ADAM32: variants seen among roughly 807,000 people sequenced by gnomAD.
The protein encoded by ADAM32 is disintegrin and metalloproteinase domain-containing protein 32.
Under a neutral mutation model 114.9 loss-of-function variants are expected in ADAM32, and 89 were observed. The ratio of observed to expected loss-of-function variants is 0.77; its 90% CI spans 0.65 to 0.92. The LOEUF (loss-of-function observed/expected upper bound fraction) is 0.92. Ranked by LOEUF, ADAM32 falls within the 40% of genes least tolerant of loss-of-function variation. ADAM32 has a pLI of 0.00. For synonymous variants in ADAM32, 285 were observed against 307.5 expected, an observed-to-expected ratio of 0.93 and a Z score of 0.77; for missense variants, 870 against 932.8, an observed-to-expected ratio of 0.93 and a Z score of 0.88.
chr8:39,202,936 GT>G (rs1807532510), intron 11 of ADAM32, among the ~76,000 whole-genome samples: 1 of 73,474 alleles, frequency 1.4e-5, no homozygotes, highest in Non-Finnish European at 3.0e-5. Context: ...ATGTAGTTGG[GT>G]GGTTTTGAGT....
chr8:39,129,551 T>C lies in ADAM32; in HGVS notation c.139-7106T>C, dbSNP rs28818881. 2.0e-3 allele frequency among the ~76,000 whole-genome samples: 300 copies of C among 152,318 alleles called. 1 individual carries two copies. The highest frequency in any genetic ancestry group is 6.4e-3 in the African/African-American group (268 of 41,572). ...ACCATTCTTGCATTTCTGTGATAAATGGTGTATAATTCTTTTTATATGTCA... is the reference window on the plus strand; with the variant it reads ...ACCATTCTTGCATTTCTGTGATAAACGGTGTATAATTCTTTTTATATGTCA... On this transcript the variant is annotated intron_variant, in intron 2 of 24. Coordinates refer to ENST00000379907, the MANE Select transcript of ADAM32 (RefSeq NM_145004.7).
At chr8:39,230,837 A>G (rs779869018) in intron 14 of ADAM32, among the ~76,000 whole-genome samples, 7 of 152,200 alleles carry the variant, frequency 4.6e-5, no homozygotes, top group Non-Finnish European at 8.8e-5. Flanking sequence ...GGGAATTAAG[A>G]GTGACTAAAT....
intron 12 of ADAM32, among the ~76,000 whole-genome samples, chr8:39,211,966 G>A (rs1339909834): frequency 6.6e-6 from 1 of 151,958 alleles, no homozygotes; most frequent in African/African-American, 2.4e-5. Flanking sequence ...TTTGTATTAT[G>A]TTTAACTATT....
At position 39,246,169 on chromosome 8, in the gene ADAM32, A is replaced by G. The variant is rs761044872; in HGVS notation, c.1902+3A>G. On this transcript the variant is annotated splice_donor_region_variant and intron_variant, in intron 17 of 24. Transcript: ENST00000379907. ...CACAACAGTGTTCTGGACATGGAGT[A>G]AGTAACCACATGTTTCCCTGAATCA... 3.1e-6 allele frequency: 5 copies of G among 1,607,842 alleles called. No homozygotes were observed. The Admixed American group carries it at 5.1e-5, about 16-fold the overall frequency.
chr8:39,270,806 A>G (rs1438053242), intron 19 of ADAM32, 70 bp from the exon 20 acceptor site: 9 of 1,197,126 alleles, frequency 7.5e-6, no homozygotes, highest in South Asian at 4.0e-5. Context: ...TATAAAATGG[A>G]CTGATTTTAA....
chr8:39,223,453 CAT>C (rs1297065364), intron 14 of ADAM32: 4 of 258,522 alleles, frequency 1.5e-5, no homozygotes, highest in Non-Finnish European at 2.8e-5. Context: ...TATAAGCAAA[CAT>C]ATACGCGCTA....
intron 6 of ADAM32, among the ~76,000 whole-genome samples, chr8:39,159,841 A>C (rs1804380589): frequency 6.6e-6 from 1 of 152,156 alleles, no homozygotes; most frequent in African/African-American, 2.4e-5. Flanking sequence ...GGAAAGCCAC[A>C]CCAGGAATAT....
intron 16 of ADAM32, among the ~76,000 whole-genome samples, chr8:39,241,115 G>A (rs1487119200): frequency 1.3e-5 from 2 of 152,188 alleles, no homozygotes; most frequent in Non-Finnish European, 2.9e-5. Flanking sequence ...ATCCAGCAGG[G>A]CAGTGAAATC....
chr8:39,269,651 C>T (rs1564725470), intron 19 of ADAM32, among the ~76,000 whole-genome samples: 2 of 152,156 alleles, frequency 1.3e-5, no homozygotes, highest in Admixed American at 6.5e-5. Context: ...ATTTGTAGCT[C>T]TTGCTGCGTG....
chr8:39,148,361 C>A (rs528389367), intron 4 of ADAM32, among the ~76,000 whole-genome samples: 9 of 152,132 alleles, frequency 5.9e-5, no homozygotes, highest in African/African-American at 2.2e-4. Flanking sequence ...TCTTTCCCAA[C>A]AGACCCATAT....
chr8:39,283,931 G>A (rs894179585), intron 24 of ADAM32, among the ~76,000 whole-genome samples: 2 of 152,054 alleles, frequency 1.3e-5, no homozygotes, highest in African/African-American at 4.8e-5. Flanking sequence ...GTGCCGCCAT[G>A]CCCGCCTAAT....
At chr8:39,249,653 A>G (rs1470496142) in intron 17 of ADAM32, among the ~76,000 whole-genome samples, 1 of 152,204 alleles carries the variant, frequency 6.6e-6, no homozygotes, top group African/African-American at 2.4e-5. Flanking sequence ...TGTAACATCA[A>G]TTAAGAATAA....
At chr8:39,118,881 A>G (rs1840483964) in intron 2 of ADAM32, among the ~76,000 whole-genome samples, 1 of 152,170 alleles carries the variant, frequency 6.6e-6, no homozygotes, top group Non-Finnish European at 1.5e-5. Flanking sequence ...TGTTGCTATC[A>G]ATCCTAAAAA....
In ADAM32 at chr8:39,165,086, T is replaced by G. The variant is rs1451772653; in HGVS notation, c.723T>G (p.Asp241Glu). The change falls in exon 9 of 25, where the codon GAT becomes GAG. Residue 241 changes from aspartate (D) to glutamate (E), a missense_variant. Physicochemically the swap from Asp to Glu is conservative, Grantham distance 45. Transcript: ENST00000379907. ...TGTCATCATTGGAGTTATGGTCAGA[T>G]GAAAATAAGATTTCTACAGTTGGTG... ...IVLSSLELWS[D>E]ENKISTVGEA... 1 of 1,609,966 alleles carries G rather than the reference T, an allele frequency of 6.2e-7. No homozygotes were observed.
At chr8:39,123,333 C>T (rs1311958751) in intron 2 of ADAM32, among the ~76,000 whole-genome samples, 1 of 151,978 alleles carries the variant, frequency 6.6e-6, no homozygotes, top group Non-Finnish European at 1.5e-5. Context: ...TATTCTAAGT[C>T]CTTTTTATTT....
intron 18 of ADAM32, 89 bp downstream of exon 18, chr8:39,254,605 AG>A: frequency 2.2e-6 from 2 of 923,704 alleles, no homozygotes; most frequent in South Asian, 3.9e-5. Context: ...TCCACTTACA[AG>A]GCAACTGATA....
intron 16 of ADAM32, among the ~76,000 whole-genome samples, chr8:39,240,246 A>T (rs1564665182): frequency 6.6e-6 from 1 of 152,250 alleles, no homozygotes; most frequent in Non-Finnish European, 1.5e-5. Flanking sequence ...CCACAGCGGA[A>T]TAAAATTGGA....
Position 39,274,365 on chromosome 8 carries a change from A to G in ADAM32, c.2240+15A>G. 6.2e-7 allele frequency: 1 copy of G among 1,610,266 alleles called. No individual in the cohort carries two copies. The highest frequency in any genetic ancestry group is 1.3e-5 in the African/African-American group (1 of 74,928). On this transcript the variant is annotated intron_variant, in intron 21 of 24. Coordinates refer to ENST00000379907, the MANE Select transcript of ADAM32 (RefSeq NM_145004.7). ...TATGCCAGCCAGTAAGTAGGTTAGA[A>G]GAGGTTTTTAAGATACATGTTGAAA...
chr8:39,220,102 G>T (rs1808850903), intron 12 of ADAM32, among the ~76,000 whole-genome samples: 1 of 152,092 alleles, frequency 6.6e-6, no homozygotes, highest in Non-Finnish European at 1.5e-5. Context: ...TTTAGAAGTA[G>T]TTAGAATCTA....
Sources: gnomAD v4.1 joint callset for allele counts (sites outside exome capture counted in the v4.1 genomes callset) on GRCh38, gnomAD v4.1.1 for gene constraint, MANE v1.5 for transcripts, NCBI Gene and HGNC (gene_info 2026-07-23, HGNC 2026-07-21) for gene names.